DUX4: variants seen among roughly 807,000 people sequenced by gnomAD.
DUX4 encodes double homeobox protein 4.
chr4:190,178,524 T>C (rs1742430563), downstream of DUX4, among the ~76,000 whole-genome samples: 5 of 151,510 alleles, frequency 3.3e-5, no homozygotes, highest in African/African-American at 1.2e-4. Context: ...AAGAGTTGCA[T>C]CACCTGGGTG....
rs1271697716 is a variant in DUX4 at position 190,175,256 on chromosome 4, G to T, written c.*208G>T. 0.075 allele frequency: 6,940 copies of T among 92,684 alleles called. 1 individual carries two copies. The highest frequency in any genetic ancestry group is 0.079 in the African/African-American group (1,488 of 18,796). The allele number at this position is 92,684 out of a possible 1,614,324, so 5.7% of individuals were successfully genotyped here. ...GCCTTTCTTTCCTGGGCATCCCGGG[G>T]ATCCCAGAGCCGGCCCAGGTACCAG... On this transcript the variant is annotated 3_prime_UTR_variant, in exon 1 of 2. Coordinates refer to ENST00000565211, the MANE Select transcript of DUX4 (RefSeq NM_001306068.3).
chr4:190,179,779 A>G (rs1579835960), downstream of DUX4, among the ~76,000 whole-genome samples: 9 of 9,230 alleles, frequency 9.8e-4, no homozygotes, highest in African/African-American at 2.2e-3. Flanking sequence ...AGATATGTCA[A>G]AATGCCCCTG....
intron 1 of DUX4, among the ~76,000 whole-genome samples, chr4:190,182,384 T>A (rs1312519821): frequency 1.6e-4 from 9 of 55,918 alleles, no homozygotes; most frequent in African/African-American, 3.2e-4. Context: ...GGGTTAGGGT[T>A]ACTGGTTAGG....
downstream of DUX4, among the ~76,000 whole-genome samples, chr4:190,176,332 C>T (rs1280721681): frequency 8.1e-5 from 9 of 111,638 alleles, no homozygotes; most frequent in Non-Finnish European, 1.5e-4. Context: ...ACAAGTGTTA[C>T]ATCACCTGGG....
At chr4:190,177,186 A>AAATGCCCTTGCGGGCAG (rs1742348507), downstream of DUX4, among the ~76,000 whole-genome samples, 1 of 150,368 alleles carries the variant, frequency 6.7e-6, no homozygotes, top group African/African-American at 2.4e-5. Context: ...AGCTATGTCA[A>AAATGCCCTTGCGGGCAG]AACGCCCCTG....
intron 1 of DUX4, among the ~76,000 whole-genome samples, chr4:190,181,213 G>A (rs1742552373): frequency 5.3e-5 from 8 of 150,998 alleles, no homozygotes; most frequent in African/African-American, 1.2e-4. Flanking sequence ...GCAGAGATAT[G>A]TCACATTGCC....
chr4:190,183,017 TTACTGGTTAGGGTTAG>T (rs1742619791), intron 1 of DUX4, among the ~76,000 whole-genome samples: 1 of 35,238 alleles, frequency 2.8e-5, no homozygotes, highest in African/African-American at 4.9e-5. Flanking sequence ...AGGGTTAGGG[TTACTGGTTAGGGTTAG>T]GGGTTAGGGT....
intron 1 of DUX4, among the ~76,000 whole-genome samples, chr4:190,181,589 TTA>T (rs1742584372): frequency 1.0e-5 from 1 of 96,548 alleles, no homozygotes; most frequent in Non-Finnish European, 2.0e-5. Context: ...TAGTCAAGCG[TTA>T]CATCACCTGG....
chr4:190,176,083 A>T (rs1290212964), downstream of DUX4, among the ~76,000 whole-genome samples: 2 of 112,352 alleles, frequency 1.8e-5, no homozygotes, highest in African/African-American at 5.2e-5. Flanking sequence ...CAGTGCAGGG[A>T]TAAGTCATAA....
chr4:190,177,726 T>A (rs2126569740), downstream of DUX4, among the ~76,000 whole-genome samples: 6,349 of 104,312 alleles, frequency 0.061, no homozygotes, highest in Middle Eastern at 0.12. Context: ...TGCAGAGATA[T>A]ATCACAATGC....
intron 1 of DUX4, among the ~76,000 whole-genome samples, chr4:190,181,522 T>TCCCATCACCTGGGTGATCAGTGCAGAAA (rs1742577559): frequency 6.6e-6 from 1 of 150,732 alleles, no homozygotes. Context: ...TGGACAAGAG[T>TCCCATCACCTGGGTGATCAGTGCAGAAA]TACATCACCT....
At chr4:190,178,703 A>T (rs1742444343), downstream of DUX4, among the ~76,000 whole-genome samples, 10 of 150,274 alleles carry the variant, frequency 6.7e-5, no homozygotes, top group South Asian at 2.1e-4. Flanking sequence ...AAGCTCCTGT[A>T]GGCAGAGCTT....
At chr4:190,179,965 C>G (rs1579836314), downstream of DUX4, among the ~76,000 whole-genome samples, 1 of 152,004 alleles carries the variant, frequency 6.6e-6, no homozygotes. Flanking sequence ...CCTGAGTGAT[C>G]AGTGCAGAGA....
At chr4:190,180,124 CG>C (rs1560882197), downstream of DUX4, among the ~76,000 whole-genome samples, 1 of 62,218 alleles carries the variant, frequency 1.6e-5, no homozygotes. Context: ...GTGACAATGC[CG>C]CCAGTAGGCA....
At chr4:190,177,163 A>ATCTGTGCAGAGCTATGTCAAAACGG (rs1742346232), downstream of DUX4, among the ~76,000 whole-genome samples, 2 of 113,638 alleles carry the variant, frequency 1.8e-5, no homozygotes, top group Non-Finnish European at 4.0e-5. Flanking sequence ...CATCACCTAG[A>ATCTGTGCAGAGCTATGTCAAAACGG]TGATCTGTGC....
chr4:190,182,355 G>C (rs1159133389), intron 1 of DUX4, among the ~76,000 whole-genome samples: 27 of 57,876 alleles, frequency 4.7e-4, no homozygotes, highest in African/African-American at 1.0e-3. Context: ...GTTTGGATTC[G>C]GGTTCAGGTT....
chr4:190,181,244 A>AATGCC, intron 1 of DUX4, among the ~76,000 whole-genome samples: 1 of 149,344 alleles, frequency 6.7e-6, no homozygotes, highest in Non-Finnish European at 1.5e-5. Flanking sequence ...AATCCAAGAC[A>AATGCC]AGAGTCTGTC....
chr4:190,177,353 A>G (rs1179288145), downstream of DUX4, among the ~76,000 whole-genome samples: 99 of 14,732 alleles, frequency 6.7e-3, 1 homozygote, highest in Non-Finnish European at 9.2e-3. Context: ...CCTAGACAAG[A>G]GTTACATCAC....
downstream of DUX4, among the ~76,000 whole-genome samples, chr4:190,176,950 CACCTGGGTGATCAGTGCAGATATTTGACA>C (rs1742331940): frequency 8.7e-6 from 1 of 115,392 alleles, no homozygotes; most frequent in African/African-American, 2.7e-5. Flanking sequence ...AGAGTTACTT[CACCTGGGTGATCAGTGCAGATATTTGACA>C]CAATGCCCCC....
Sources: allele counts gnomAD v4.1 joint callset (sites outside exome capture counted in the v4.1 genomes callset), GRCh38; gene constraint gnomAD v4.1.1; transcripts MANE v1.5; gene names NCBI Gene and HGNC (gene_info 2026-07-23, HGNC 2026-07-21).